Variants in TNFSF4 observed in about 807,000 individuals in gnomAD.
TNFSF4 encodes TNF superfamily member 4.
Under a neutral mutation model 7.3 loss-of-function variants are expected in TNFSF4, and 4 were observed. That is an observed-to-expected ratio of 0.55 (90% CI 0.27 to 1.25). The LOEUF is 1.25. TNFSF4 is among the 50% of genes most tolerant of loss of function. The pLI is 0.12. For synonymous variants in TNFSF4, 76 were observed against 83.7 expected (o/e 0.91, Z 0.50); for missense variants, 181 against 208.8 (o/e 0.87, Z 0.82).
chr1:173,213,908 T>C, the TNFSF4 span, among the ~76,000 whole-genome samples: 58 of 152,276 alleles, frequency 3.8e-4, no homozygotes, highest in African/African-American at 1.4e-3. Context: ...CATTTTTGTT[T>C]ATCTGGATTG....
chr1:173,193,413 G>T (rs1330195689), intron 1 of TNFSF4, among the ~76,000 whole-genome samples: 1 of 152,130 alleles, frequency 6.6e-6, no homozygotes, highest in Non-Finnish European at 1.5e-5. Context: ...AATTTTGAAT[G>T]TAATGGTCTT....
the TNFSF4 span, among the ~76,000 whole-genome samples, chr1:173,385,127 G>A: frequency 4.2e-4 from 64 of 152,284 alleles, no homozygotes; most frequent in African/African-American, 1.5e-3. Flanking sequence ...GTATAAATAG[G>A]AAGTAAGACA....
upstream of TNFSF4, among the ~76,000 whole-genome samples, chr1:173,208,669 C>T (rs532924730): frequency 7.2e-5 from 11 of 152,194 alleles, no homozygotes; most frequent in Admixed American, 5.9e-4. Context: ...TGTATCCAAA[C>T]ATATTTGTCA....
At chr1:173,311,241 T>C in the TNFSF4 span, among the ~76,000 whole-genome samples, 5 of 152,038 alleles carry the variant, frequency 3.3e-5, no homozygotes, top group Non-Finnish European at 7.4e-5. Context: ...CTTTCCTGTG[T>C]ATCCATCAAA....
At chr1:173,198,638 A>G (rs1321318285) in intron 1 of TNFSF4, among the ~76,000 whole-genome samples, 4 of 152,222 alleles carry the variant, frequency 2.6e-5, no homozygotes, top group Non-Finnish European at 4.4e-5. Context: ...ACAAACAAAA[A>G]GATTATTCCT....
the TNFSF4 span, among the ~76,000 whole-genome samples, chr1:173,225,521 T>C: frequency 1.3e-5 from 2 of 152,216 alleles, no homozygotes; most frequent in Non-Finnish European, 2.9e-5. Context: ...CTAAACACTA[T>C]CTTTCATAAG....
At chr1:173,402,979 A>C in the TNFSF4 span, among the ~76,000 whole-genome samples, 16 of 152,098 alleles carry the variant, frequency 1.1e-4, no homozygotes, top group Admixed American at 1.0e-3. Flanking sequence ...CAGCTGCCTG[A>C]GTAGCTGGGA....
chr1:173,417,195 C>T, the TNFSF4 span, among the ~76,000 whole-genome samples: 1 of 152,220 alleles, frequency 6.6e-6, no homozygotes, highest in African/African-American at 2.4e-5. Context: ...GAGTCAGAGA[C>T]ACCTCGGTTT....
chr1:173,419,073 C>T, the TNFSF4 span, among the ~76,000 whole-genome samples: 1 of 152,240 alleles, frequency 6.6e-6, no homozygotes, highest in Admixed American at 6.5e-5. Context: ...GGTGCTGTGG[C>T]TCACGCCTGT....
the TNFSF4 span, among the ~76,000 whole-genome samples, chr1:173,313,418 G>A: frequency 3.3e-5 from 5 of 152,062 alleles, no homozygotes; most frequent in South Asian, 2.1e-4. Context: ...TGTCTACTTC[G>A]CTTGAGAACT....
chr1:173,235,003 C>T, the TNFSF4 span, among the ~76,000 whole-genome samples: 2 of 152,032 alleles, frequency 1.3e-5, no homozygotes, highest in Non-Finnish European at 2.9e-5. Context: ...TAAAGGTTAC[C>T]TTGCAGATTC....
chr1:173,215,894 G>A, the TNFSF4 span, among the ~76,000 whole-genome samples: 1 of 152,236 alleles, frequency 6.6e-6, no homozygotes. Flanking sequence ...CAATAATTGC[G>A]ATAAGTGTGG....
the TNFSF4 span, among the ~76,000 whole-genome samples, chr1:173,339,726 C>T: frequency 6.6e-6 from 1 of 152,138 alleles, no homozygotes; most frequent in Non-Finnish European, 1.5e-5. Flanking sequence ...ATCTTACCTG[C>T]TTTTCCTGGG....
the TNFSF4 span, among the ~76,000 whole-genome samples, chr1:173,342,548 A>G: frequency 6.6e-6 from 1 of 152,228 alleles, no homozygotes; most frequent in Admixed American, 6.5e-5. Context: ...TTATGGACAT[A>G]TTATCCGTTT....
At chr1:173,341,005 T>G in the TNFSF4 span, among the ~76,000 whole-genome samples, 1 of 152,194 alleles carries the variant, frequency 6.6e-6, no homozygotes, top group East Asian at 1.9e-4. Context: ...GAGTGAGTTC[T>G]CATGAGATCT....
At chr1:173,193,633 C>A (rs1244125998) in intron 1 of TNFSF4, among the ~76,000 whole-genome samples, 3 of 152,002 alleles carry the variant, frequency 2.0e-5, no homozygotes, top group Admixed American at 6.6e-5. Flanking sequence ...TTCCTTATGT[C>A]CACTTTAATA....
At chr1:173,285,687 A>G in the TNFSF4 span, among the ~76,000 whole-genome samples, 4 of 152,194 alleles carry the variant, frequency 2.6e-5, no homozygotes, top group African/African-American at 7.2e-5. Context: ...AAAGATTACA[A>G]TTTGATGAAG....
At chr1:173,230,528 G>A in the TNFSF4 span, among the ~76,000 whole-genome samples, 2,523 of 152,240 alleles carry the variant, frequency 0.017, 30 homozygotes, top group Non-Finnish European at 0.024. Context: ...AACTAGAGAA[G>A]CAAGAGCAAA....
At chr1:173,277,370 A>G in the TNFSF4 span, among the ~76,000 whole-genome samples, 13,561 of 152,178 alleles carry the variant, frequency 0.089, 703 homozygotes, top group Middle Eastern at 0.12. Flanking sequence ...AGTCTGAGAG[A>G]TTAGAGTTCT....
Sources: allele counts gnomAD v4.1 joint callset (sites outside exome capture counted in the v4.1 genomes callset), GRCh38; gene constraint gnomAD v4.1.1; transcripts MANE v1.5; gene names NCBI Gene and HGNC (gene_info 2026-07-23, HGNC 2026-07-21).